Variants in SLC6A20 observed in about 807,000 individuals in gnomAD.
SLC6A20 encodes sodium- and chloride-dependent transporter XTRP3.
SLC6A20 carries 73 observed loss-of-function variants against 64.3 expected under a neutral mutation model. That is an observed-to-expected ratio of 1.14 (90% CI 0.94 to 1.38). SLC6A20 has a LOEUF of 1.38. Ranked by LOEUF, SLC6A20 falls within the 40% of genes most tolerant of loss-of-function variation. The probability of loss-of-function intolerance (pLI) is 0.00; values close to 1 mark genes in which losing one functional copy is unlikely to be tolerated. For synonymous variants in SLC6A20, 347 were observed against 329.6 expected (o/e 1.05, Z -0.57); for missense variants, 725 against 772.8 (o/e 0.94, Z 0.73).
chr3:45,795,089 GA>G (rs1033919273), intron 1 of SLC6A20, among the ~76,000 whole-genome samples: 5 of 151,876 alleles, frequency 3.3e-5, no homozygotes, highest in African/African-American at 9.7e-5. Context: ...CTTTTATGGT[GA>G]AAAAAACATG....
intron 4 of SLC6A20, among the ~76,000 whole-genome samples, chr3:45,775,143 G>A (rs1452577991): frequency 6.6e-6 from 1 of 152,162 alleles, no homozygotes; most frequent in Non-Finnish European, 1.5e-5. Context: ...TGTGAGCCTT[G>A]GGATGCACCA....
chr3:45,762,219 G>A (rs1401476643), intron 9 of SLC6A20, among the ~76,000 whole-genome samples: 2 of 152,224 alleles, frequency 1.3e-5, no homozygotes, highest in African/African-American at 4.8e-5. Flanking sequence ...CACACTTGAG[G>A]TAGCAAAGCT....
Position 45,782,153 on chromosome 3 carries a change from A to G in SLC6A20, c.192T>C (p.Ala64=), listed in dbSNP as rs1234646415. 1.2e-6 allele frequency: 2 copies of G among 1,613,784 alleles called. No individual in the cohort carries two copies. The highest frequency in any genetic ancestry group is 4.5e-5 in the East Asian group (2 of 44,842). Residue 64 remains alanine, a synonymous_variant, in exon 2 of 11, where the codon GCT becomes GCC. Coordinates refer to ENST00000358525, the MANE Select transcript of SLC6A20 (RefSeq NM_020208.4). ...EGMPLLYLEL[A]VGQRMRQGSI... is the part of the protein sequence containing the mutation. ...TGCCCTGCCGCATGCGCTGCCCCAC[A>G]GCCAGTTCCAGGTACAAGAGCGGCA...
chr3:45,775,750 C>T lies in SLC6A20; in HGVS notation c.582+11G>A. ...CCAGGAGCACCGGGCTTCTGTGCCT[C>T]ACTGTCCCACCTTGCCAGTGGACTC... On this transcript the variant is annotated intron_variant, in intron 4 of 10. Transcript: ENST00000358525. The T allele has an allele frequency of 1.9e-6, 3 of 1,611,182 alleles. No individual in the cohort carries two copies. Among genetic ancestry groups the T allele is most frequent in the South Asian group, 2.2e-5 (2 of 90,948 alleles).
At chr3:45,793,045 G>A (rs1700282963) in intron 1 of SLC6A20, among the ~76,000 whole-genome samples, 1 of 152,222 alleles carries the variant, frequency 6.6e-6, no homozygotes, top group Admixed American at 6.5e-5. Flanking sequence ...AGTTTATGAA[G>A]ATGCTCAGGT....
rs1699613405 is a variant in SLC6A20, at chr3:45,759,140, A to G, written c.1630-13T>C. 6.2e-7 allele frequency: 1 copy of G among 1,604,506 alleles called. No homozygotes were observed. The highest frequency in any genetic ancestry group is 8.5e-7 in the Non-Finnish European group (1 of 1,175,902). On this transcript the variant is annotated splice_polypyrimidine_tract_variant and intron_variant, in intron 10 of 10. Coordinates refer to ENST00000358525, the MANE Select transcript of SLC6A20 (RefSeq NM_020208.4). ...TCACGAGCTGGCCCTGAAAGGAGAG[A>G]CTGAGTGTCAGCAGAGAGCACCTGC...
In SLC6A20 at chr3:45,796,476, T is replaced by G. The variant is rs975158314; in HGVS notation, c.-57A>C. The G allele has an allele frequency of 2.6e-6, 4 of 1,544,792 alleles. No individual in the cohort carries two copies. Among genetic ancestry groups the G allele is most frequent in the African/African-American group, 1.4e-5 (1 of 70,252 alleles). On this transcript the variant is annotated 5_prime_UTR_variant, in exon 1 of 11. Transcript: ENST00000358525. ...CGGGGGTCCGGCACGGCAGTCTCAGTGCGCGGTCGCCAGGCGCGCCGTCCC... is the reference window on the plus strand; with the variant it reads ...CGGGGGTCCGGCACGGCAGTCTCAGGGCGCGGTCGCCAGGCGCGCCGTCCC...
intron 1 of SLC6A20, among the ~76,000 whole-genome samples, chr3:45,786,697 G>A (rs1054763234): frequency 5.3e-5 from 8 of 152,068 alleles, no homozygotes; most frequent in Non-Finnish European, 1.2e-4. Flanking sequence ...CAGTAGTTTT[G>A]GCATCCAGTG....
intron 1 of SLC6A20, among the ~76,000 whole-genome samples, chr3:45,793,732 G>A (rs942841886): frequency 1.3e-5 from 2 of 152,152 alleles, no homozygotes; most frequent in African/African-American, 4.8e-5. Flanking sequence ...TTCTTTGTTT[G>A]CTGGGGGTAT....
intron 1 of SLC6A20, among the ~76,000 whole-genome samples, chr3:45,793,629 G>A (rs1156253101): frequency 1.3e-5 from 2 of 152,268 alleles, no homozygotes; most frequent in South Asian, 2.1e-4. Flanking sequence ...CTCCAGTCAC[G>A]GGCAGAGTCC....
At chr3:45,791,762 G>C (rs144192719) in intron 1 of SLC6A20, 3 of 152,278 alleles carry the variant, frequency 2.0e-5, no homozygotes, top group African/African-American at 7.2e-5. Context: ...GTAGGAAGCT[G>C]CTACATACTT....
intron 4 of SLC6A20, among the ~76,000 whole-genome samples, chr3:45,774,783 G>T (rs1303551925): frequency 6.6e-6 from 1 of 152,296 alleles, no homozygotes; most frequent in African/African-American, 2.4e-5. Context: ...CATCATTAAG[G>T]CATAGAGAGA....
chr3:45,778,081 T>C (rs948266693), intron 3 of SLC6A20, among the ~76,000 whole-genome samples: 1 of 152,192 alleles, frequency 6.6e-6, no homozygotes, highest in Admixed American at 6.5e-5. Context: ...CACTCACCTC[T>C]GAACCAGCAG....
intron 1 of SLC6A20, among the ~76,000 whole-genome samples, chr3:45,782,807 A>C (rs1343331221): frequency 6.6e-6 from 1 of 152,134 alleles, no homozygotes; most frequent in East Asian, 1.9e-4. Flanking sequence ...TCAGTTGTTG[A>C]ACTCTTTAAA....
chr3:45,762,375 T>C (rs1044407364), intron 9 of SLC6A20, among the ~76,000 whole-genome samples: 2 of 152,176 alleles, frequency 1.3e-5, no homozygotes, highest in African/African-American at 4.8e-5. Flanking sequence ...CAAGGGACTC[T>C]GAGGCACACT....
In SLC6A20 at chr3:45,774,958, G is replaced by T. The variant is rs150899302; in HGVS notation, c.582+803C>A. 4.6e-3 allele frequency among the ~76,000 whole-genome samples: 700 copies of T among 152,286 alleles called. 5 individuals carry two copies. The highest frequency in any genetic ancestry group is 0.016 in the African/African-American group (665 of 41,550). On this transcript the variant is annotated intron_variant, in intron 4 of 10. Coordinates refer to ENST00000358525, the MANE Select transcript of SLC6A20 (RefSeq NM_020208.4). Reference sequence around the variant, plus strand: ...CTGTTGCCAGAATGACACAATGTGGGTGCTCAAGCCGTGGTGGGTCTACTG... The same window carrying T: ...CTGTTGCCAGAATGACACAATGTGGTTGCTCAAGCCGTGGTGGGTCTACTG...
chr3:45,772,405 A>T (rs920286862), intron 5 of SLC6A20, 100 bp downstream of exon 5: 2 of 1,060,696 alleles, frequency 1.9e-6, no homozygotes, highest in Admixed American at 2.7e-5. Context: ...CCGTAGGTAC[A>T]GCGTTGGCCC....
intron 3 of SLC6A20, among the ~76,000 whole-genome samples, chr3:45,776,690 T>A (rs554791961): frequency 1.3e-5 from 2 of 152,146 alleles, no homozygotes; most frequent in Non-Finnish European, 2.9e-5. Context: ...CAGCACTTAG[T>A]GAGCACAGAA....
Position 45,765,388 on chromosome 3 carries a change from G to A in SLC6A20, c.1303+149C>T, listed in dbSNP as rs1699757242. On this transcript the variant is annotated intron_variant, in intron 8 of 10. Transcript: ENST00000358525. The surrounding 1 kb of genome is among the most constrained non-coding windows in gnomAD (Gnocchi z 4.2). ...TCACATGGCCCAGGTCCCAGGTTGTGAGAAGACATGGCAGGACCGTGGTGA... is the reference window on the plus strand; with the variant it reads ...TCACATGGCCCAGGTCCCAGGTTGTAAGAAGACATGGCAGGACCGTGGTGA... The A allele has an allele frequency of 8.8e-6, 7 of 799,688 alleles. No homozygotes were observed. Among genetic ancestry groups the A allele is most frequent in the Non-Finnish European group, 1.4e-5 (7 of 507,376 alleles). The allele number at this position is 799,688 out of a possible 1,614,324, so 49.5% of individuals were successfully genotyped here. A position where few individuals can be genotyped will look rare whatever the true frequency, so the allele number is the denominator to read the frequency against.
Sources: gnomAD v4.1 joint callset for allele counts (sites outside exome capture counted in the v4.1 genomes callset) on GRCh38, gnomAD v4.1.1 for gene constraint, Gnocchi (gnomAD v3.1) non-coding constraint, MANE v1.5 for transcripts, NCBI Gene and HGNC (gene_info 2026-07-23, HGNC 2026-07-21) for gene names.